Variants in LAMB2 observed in about 807,000 individuals in gnomAD.
LAMB2 encodes the protein laminin subunit beta 2.
In LAMB2, 119 loss-of-function variants were observed where a neutral mutation model predicts 202.7. That is an observed-to-expected ratio of 0.59 (90% confidence interval 0.51 to 0.68). The LOEUF is 0.68. LAMB2 is among the 30% of genes least tolerant of loss of function. LAMB2 has a pLI of 0.00. For synonymous variants in LAMB2, 818 were observed against 902.2 expected (o/e 0.91, Z 1.67); for missense variants, 2,124 against 2,410.6 (o/e 0.88, Z 2.49).
In LAMB2 at chr3:49,132,480, C is replaced by A; in HGVS notation, c.249+11G>T. ...CCCTGACTCGGCGTCACACCCTGTC[C>A]CCAGCCACACCTGCAGGTGACTGAC... On this transcript the variant is annotated intron_variant, in intron 2 of 31. Coordinates refer to ENST00000305544, the MANE Select transcript of LAMB2 (RefSeq NM_002292.4). The surrounding 1 kb of genome is among the most constrained non-coding windows in gnomAD (Gnocchi z 4.6). 6.2e-7 allele frequency: 1 copy of A among 1,614,046 alleles called. No individual in the cohort carries two copies. The highest frequency in any genetic ancestry group is 8.5e-7 in the Non-Finnish European group (1 of 1,179,998).
chr3:49,123,203 C>T lies in LAMB2; in HGVS notation c.4153G>A (p.Ala1385Thr). ...QKEDFNSKHM[A>T]NQRALGKLSA... ...AGCTTGCCAAGTGCCCGCTGGTTGG[C>T]CATGTGTTTGCTGTTGAAGTCCTCC... Residue 1385 changes from alanine (A) to threonine (T), a missense_variant, in exon 26 of 32, where the codon GCC (alanine) becomes ACC (threonine). Transcript: ENST00000305544. 1 of 1,613,936 alleles carries T rather than the reference C, an allele frequency of 6.2e-7. No individual in the cohort carries two copies.
At chr3:49,123,408 C>G in intron 25 of LAMB2, 35 bp from the exon 26 acceptor site, 1 of 1,614,096 alleles carries the variant, frequency 6.2e-7, no homozygotes, top group South Asian at 1.1e-5. Flanking sequence ...CAGCTGAAGA[C>G]TGACCCTGGT....
Position 49,131,634 on chromosome 3 carries a change from C to T in LAMB2, c.549G>A (p.Gly183=). The change falls in exon 5 of 32, where the codon GGG becomes GGA. Residue 183 remains glycine, a synonymous_variant. Transcript: ENST00000305544. The surrounding 1 kb of genome is among the most constrained non-coding windows in gnomAD (Gnocchi z 5.0). ...CTAGTGGGACTCCTGGGAAGTCAGCCCCACAGTCATAGGAGAAATATCGGT... is the reference window on the plus strand; with the variant it reads ...CTAGTGGGACTCCTGGGAAGTCAGCTCCACAGTCATAGGAGAAATATCGGT... ...HVYRYFSYDC[G]ADFPGVPLAP... is the part of the protein sequence containing the mutation. 1 of 1,613,774 alleles carries T rather than the reference C, an allele frequency of 6.2e-7. No homozygotes were observed. The highest frequency in any genetic ancestry group is 8.5e-7 in the Non-Finnish European group (1 of 1,180,030).
In LAMB2 at chr3:49,123,133, A is replaced by G. The variant is rs2045367804; in HGVS notation, c.4223T>C (p.Leu1408Pro). 6.2e-7 allele frequency: 1 copy of G among 1,611,694 alleles called. No homozygotes were observed. The highest frequency in any genetic ancestry group is 8.5e-7 in the Non-Finnish European group (1 of 1,179,998). The part of the protein sequence containing the change: ...HTLSLTDINE[L>P]VCGAPGDAPC... ...CCCCACCCAACACTTCAACCTCACCAGCTCATTTATGTCTGTCAGGCTCAG... is the reference window on the plus strand; with the variant it reads ...CCCCACCCAACACTTCAACCTCACCGGCTCATTTATGTCTGTCAGGCTCAG... The change falls in exon 26 of 32, where the codon CTG becomes CCG. Residue 1408 changes from leucine to proline, a missense_variant and splice_region_variant. By Grantham distance (98) the Leu-to-Pro change is moderately conservative. This residue lies in a region of LAMB2 where 1,702 missense variants were observed against 1,896.3 expected (regional missense o/e 0.90). Transcript: ENST00000305544.
At position 49,131,664 on chromosome 3, in the gene LAMB2, A is replaced by G. The variant is rs1331458305; in HGVS notation, c.519T>C (p.His173=). The stretch of plus-strand genomic sequence containing the variant: ...AGTCATAGGAGAAATATCGGTACAC[A>G]TGCCAGGTGCGGCCAAAGTCTGCTG... The part of the protein sequence containing the change: ...ERSADFGRTW[H]VYRYFSYDCG... The change falls in exon 5 of 32, where the codon CAT becomes CAC. Residue 173 remains histidine (H), a synonymous_variant. Transcript: ENST00000305544. The surrounding 1 kb of genome is among the most constrained non-coding windows in gnomAD (Gnocchi z 5.0). 1.2e-6 allele frequency: 2 copies of G among 1,613,510 alleles called. No individual in the cohort carries two copies. The highest frequency in any genetic ancestry group is 1.7e-6 in the Non-Finnish European group (2 of 1,180,036).
In LAMB2 at chr3:49,126,012, G is replaced by A. The variant is rs769981256; in HGVS notation, c.2299C>T (p.Pro767Ser). The change falls in exon 17 of 32, where the codon CCC becomes TCC. Residue 767 changes from proline (P) to serine (S), a missense_variant. Transcript: ENST00000305544. ...AGGGTGGACAGGCTGATGAGGAGGGGTGCGCAGGCCTCAGAGGGAGAAGTC... is the reference window on the plus strand; with the variant it reads ...AGGGTGGACAGGCTGATGAGGAGGGATGCGCAGGCCTCAGAGGGAGAAGTC... ...SKTSPSEACA[P>S]LLISLSTLIY... is the part of the protein sequence containing the mutation. The A allele has an allele frequency of 2.5e-6, 4 of 1,614,198 alleles. No homozygotes were observed. The highest frequency in any genetic ancestry group is 3.4e-6 in the Non-Finnish European group (4 of 1,180,032).
rs898050732 is a variant in LAMB2, at chr3:49,130,498, C to T, written c.1037-79G>A. On this transcript the variant is annotated intron_variant, in intron 8 of 31. Transcript: ENST00000305544. This position sits in a 1 kb window ranked among gnomAD's most constrained non-coding sequence, Gnocchi z 5.0. ...GGTAAGAAGTAGGCCACCTTAGATC[C>T]CTATCACAGGCCAGAATTTGTGGGT... is the stretch of plus-strand genomic sequence containing the variant. The T allele has an allele frequency of 1.3e-6, 2 of 1,547,602 alleles. No homozygotes were observed. The highest frequency in any genetic ancestry group is 1.8e-6 in the Non-Finnish European group (2 of 1,122,492).
chr3:49,130,239 A>G lies in LAMB2; in HGVS notation c.1217T>C (p.Val406Ala), dbSNP rs1560076115. 1.9e-6 allele frequency: 3 copies of G among 1,614,222 alleles called. No homozygotes were observed. The highest frequency in any genetic ancestry group is 2.5e-6 in the Non-Finnish European group (3 of 1,180,050). Residue 406 changes from valine to alanine, a missense_variant, in exon 9 of 32, where the codon GTG becomes GCG. Physicochemically the swap from Val to Ala is moderately conservative, Grantham distance 64. Coordinates refer to ENST00000305544, the MANE Select transcript of LAMB2 (RefSeq NM_002292.4). This position sits in a 1 kb window ranked among gnomAD's most constrained non-coding sequence, Gnocchi z 5.0. Reference protein sequence around the residue: ...DPTKDLRDPAVCRSCDCDPMG... With the variant: ...DPTKDLRDPAACRSCDCDPMG... ...CCCAATCCCAGCCTCACAGCGGCAC[A>G]CAGCCGGATCCCGCAGGTCCTTGGT...
rs577339753 is a variant in LAMB2, at chr3:49,125,264, C to A, written c.2709G>T (p.Glu903Asp). 6.2e-7 allele frequency: 1 copy of A among 1,613,908 alleles called. No homozygotes were observed. The highest frequency in any genetic ancestry group is 1.7e-5 in the Admixed American group (1 of 60,028). ...TGCTCCAGTCTCACCTTTCACAGTGCTCACCCCCTGTGTGATCACGGCAGC... is the reference window on the plus strand; with the variant it reads ...TGCTCCAGTCTCACCTTTCACAGTGATCACCCCCTGTGTGATCACGGCAGC... ...CLGCRDHTGG[E>D]HCERCIAGFH... The change falls in exon 19 of 32, where the codon GAG becomes GAT. Residue 903 changes from glutamate (E) to aspartate (D), a missense_variant. Glu to Asp is a conservative substitution (Grantham distance 45). Coordinates refer to ENST00000305544, the MANE Select transcript of LAMB2 (RefSeq NM_002292.4).
Position 49,132,021 on chromosome 3 carries a change from G to T in LAMB2, c.459+95C>A. 1 of 1,231,222 alleles carries T rather than the reference G, an allele frequency of 8.1e-7. No individual in the cohort carries two copies. Among genetic ancestry groups the T allele is most frequent in the Non-Finnish European group, 1.2e-6 (1 of 833,534 alleles). 76.3% of individuals were successfully genotyped at this position (1,231,222 alleles called of 1,614,324 possible). The stretch of plus-strand genomic sequence containing the variant: ...GGATGAAGGAGCCTCCTGCATCCAT[G>T]CTCAAGGAGGCTGTGTTAAGGAGCT... On this transcript the variant is annotated intron_variant, in intron 4 of 31. Coordinates refer to ENST00000305544, the MANE Select transcript of LAMB2 (RefSeq NM_002292.4). This position sits in a 1 kb window ranked among gnomAD's most constrained non-coding sequence, Gnocchi z 4.6.
In LAMB2 at chr3:49,121,980, C is replaced by T; in HGVS notation, c.4887G>A (p.Val1629=). The T allele has an allele frequency of 6.2e-7, 1 of 1,614,016 alleles. No individual in the cohort carries two copies. The highest frequency in any genetic ancestry group is 8.5e-7 in the Non-Finnish European group (1 of 1,180,038). The change falls in exon 29 of 32, where the codon GTG becomes GTA. Residue 1629 remains valine, a synonymous_variant. Transcript: ENST00000305544. ...TCTGCTCTGTGTCCCGTGTGTCAGC[C>T]ACTGCCCCCCGGATGGCACCCTGGG... ...GIAQGAIRGA[V]ADTRDTEQTL... is the part of the protein sequence containing the mutation.
chr3:49,127,342 A>G (rs2045426062), intron 15 of LAMB2, among the ~76,000 whole-genome samples: 1 of 152,178 alleles, frequency 6.6e-6, no homozygotes, highest in Admixed American at 6.6e-5. Context: ...TATAATGGGC[A>G]CAGCCAGGTT....
Position 49,129,528 on chromosome 3 carries a change from G to A in LAMB2, c.1518+76C>T. On this transcript the variant is annotated intron_variant, in intron 11 of 31. Transcript: ENST00000305544. The surrounding 1 kb of genome is among the most constrained non-coding windows in gnomAD (Gnocchi z 6.1). ...CTAAGCTCTCAGCACCCACCCACTG[G>A]CATAGATGTGACACCCCAGCCCTGT... 1 of 1,267,460 alleles carries A rather than the reference G, an allele frequency of 7.9e-7. No homozygotes were observed. Among genetic ancestry groups the A allele is most frequent in the South Asian group, 1.2e-5 (1 of 80,976 alleles). 78.5% of individuals were successfully genotyped at this position (1,267,460 alleles called of 1,614,324 possible).
Position 49,129,111 on chromosome 3 carries a change from A to G in LAMB2, c.1640T>C (p.Met547Thr). ...GTGQCHCRQH[M>T]VGRRCEQVQP... ...CACCTGCTCACAGCGTCGCCCAACC[A>G]TGTGCTGGCGGCAGTGGCATTGACC... The change falls in exon 13 of 32, where the codon ATG (methionine) becomes ACG (threonine). Residue 547 changes from methionine to threonine, a missense_variant. Met to Thr is a moderately conservative substitution (Grantham distance 81). Coordinates refer to ENST00000305544, the MANE Select transcript of LAMB2 (RefSeq NM_002292.4). The surrounding 1 kb of genome is among the most constrained non-coding windows in gnomAD (Gnocchi z 6.1). The G allele has an allele frequency of 6.2e-7, 1 of 1,614,010 alleles. No homozygotes were observed. The highest frequency in any genetic ancestry group is 1.1e-5 in the South Asian group (1 of 91,086).
Position 49,126,107 on chromosome 3 carries a change from G to A in LAMB2, c.2204C>T (p.Ala735Val). 6.2e-7 allele frequency: 1 copy of A among 1,613,816 alleles called. No homozygotes were observed. Among genetic ancestry groups the A allele is most frequent in the East Asian group, 2.2e-5 (1 of 44,888 alleles). ...LVLEMFSGGDAAALERQATFE... is the reference protein window; with the variant it reads ...LVLEMFSGGDVAALERQATFE... Reference sequence around the variant, plus strand: ...GGTGGCCTGGCGCTCCAGGGCAGCAGCATCACCCCCACTAAACATCTCTAG... The same window carrying A: ...GGTGGCCTGGCGCTCCAGGGCAGCAACATCACCCCCACTAAACATCTCTAG... The change falls in exon 17 of 32, where the codon GCT becomes GTT. Residue 735 changes from alanine to valine, a missense_variant. Around this residue, in one of 3 missense-constraint regions of LAMB2, gnomAD observed 1,702 missense variants for 1,896.3 expected, o/e 0.90. Coordinates refer to ENST00000305544, the MANE Select transcript of LAMB2 (RefSeq NM_002292.4).
chr3:49,128,848 G>T, intron 13 of LAMB2, 29 bp from the exon 14 acceptor site: 1 of 1,608,532 alleles, frequency 6.2e-7, no homozygotes. Context: ...AGGGATGGAG[G>T]CTCAGGTGAG....
Position 49,131,235 on chromosome 3 carries a change from C to A in LAMB2, c.713-83G>T. ...CCCAGGGGCTCAGCTGCCAAGGTCA[C>A]CTTGAAAGACCTCCTATACACTGCC... is the stretch of plus-strand genomic sequence containing the variant. On this transcript the variant is annotated intron_variant, in intron 6 of 31. Coordinates refer to ENST00000305544, the MANE Select transcript of LAMB2 (RefSeq NM_002292.4). The surrounding 1 kb of genome is among the most constrained non-coding windows in gnomAD (Gnocchi z 5.0). 1.3e-6 allele frequency: 2 copies of A among 1,488,822 alleles called. No homozygotes were observed. The highest frequency in any genetic ancestry group is 1.1e-5 in the South Asian group (1 of 86,994). The allele number at this position is 1,488,822 out of a possible 1,614,324, so 92.2% of individuals were successfully genotyped here. A position where few individuals can be genotyped will look rare whatever the true frequency, so the allele number is the denominator to read the frequency against.
chr3:49,132,830 G>A lies in LAMB2; in HGVS notation c.38C>T (p.Pro13Leu). 3.1e-6 allele frequency: 5 copies of A among 1,614,176 alleles called. No individual in the cohort carries two copies. Among genetic ancestry groups the A allele is most frequent in the Non-Finnish European group, 4.2e-6 (5 of 1,180,024 alleles). ...GCCCAGTCGAAGTTCCCAGGGCAGAGGCTGTCCCCTCCCTCTTTCCCTTGA... is the reference window on the plus strand; with the variant it reads ...GCCCAGTCGAAGTTCCCAGGGCAGAAGCTGTCCCCTCCCTCTTTCCCTTGA... ...LTSRERGRGQ[P>L]LPWELRLGLL... is the part of the protein sequence containing the mutation. Residue 13 changes from proline to leucine, a missense_variant, in exon 1 of 32, where the codon CCT (proline) becomes CTT (leucine). This residue lies in a region of LAMB2 where 166 missense variants were observed against 158.2 expected (regional missense o/e 1.05). Coordinates refer to ENST00000305544, the MANE Select transcript of LAMB2 (RefSeq NM_002292.4). This position sits in a 1 kb window ranked among gnomAD's most constrained non-coding sequence, Gnocchi z 4.6.
At chr3:49,122,439 G>T in intron 27 of LAMB2, 69 bp from the exon 28 acceptor site, 1 of 1,458,242 alleles carries the variant, frequency 6.9e-7, no homozygotes, top group Non-Finnish European at 9.6e-7. Flanking sequence ...CAGTTTTGGG[G>T]TATGGACTCA....
Sources: allele counts gnomAD v4.1 joint callset (sites outside exome capture counted in the v4.1 genomes callset), GRCh38; gene constraint gnomAD v4.1.1; regional missense constraint gnomAD v4.1.1; non-coding constraint Gnocchi (gnomAD v3.1); transcripts MANE v1.5; gene names NCBI Gene and HGNC (gene_info 2026-07-23, HGNC 2026-07-21).